The following GABPB2 variants were observed in gnomAD, a reference collection of about 807,000 sequenced individuals.
GABPB2 encodes the protein GA binding protein transcription factor subunit beta 2, also known as GA-binding protein subunit beta-2.
A neutral mutation model predicts 39.1 loss-of-function variants in GABPB2; 23 were observed. That is an observed-to-expected ratio of 0.59 (90% CI 0.42 to 0.83). The LOEUF (loss-of-function observed/expected upper bound fraction) is 0.83. Among genes scored for constraint, GABPB2 ranks in the 40% least tolerant of loss-of-function variants. GABPB2 has a pLI of 0.00. For missense variants in GABPB2, 467 were observed against 541.1 expected, an observed-to-expected ratio of 0.86 and a Z score of 1.36; for synonymous variants, 184 against 199.3, an observed-to-expected ratio of 0.92 and a Z score of 0.65.
At position 151,118,536 on chromosome 1, in the gene GABPB2, G is replaced by A. The variant is rs1426404483; in HGVS notation, c.*280G>A. On this transcript the variant is annotated 3_prime_UTR_variant, in exon 9 of 9. Coordinates refer to ENST00000368918, the MANE Select transcript of GABPB2 (RefSeq NM_144618.3). The stretch of plus-strand genomic sequence containing the variant: ...AGTAAAAGAATACTGCATGTTGTGG[G>A]TTGATTTTTTTTTTTTAAATAACTG... The A allele has an allele frequency of 9.9e-6, 3 of 303,992 alleles. No individual in the cohort carries two copies. Among genetic ancestry groups the A allele is most frequent in the African/African-American group, 6.5e-5 (3 of 45,978 alleles). The allele number at this position is 303,992 out of a possible 1,614,324, so 18.8% of individuals were successfully genotyped here. A position where few individuals can be genotyped will look rare whatever the true frequency, so the allele number is the denominator to read the frequency against.
chr1:151,102,386 G>GT (rs1679595541), intron 5 of GABPB2, among the ~76,000 whole-genome samples: 1 of 152,056 alleles, frequency 6.6e-6, no homozygotes, highest in Non-Finnish European at 1.5e-5. Context: ...AACATTTAGC[G>GT]TTTTTAGTGT....
chr1:151,105,899 A>C (rs994176723), intron 6 of GABPB2, among the ~76,000 whole-genome samples: 14 of 152,142 alleles, frequency 9.2e-5, no homozygotes, highest in Admixed American at 3.3e-4. Context: ...TTATTCTGTG[A>C]ATTCACTATT....
intron 1 of GABPB2, among the ~76,000 whole-genome samples, chr1:151,074,427 C>G (rs958116295): frequency 6.6e-6 from 1 of 151,112 alleles, no homozygotes; most frequent in Admixed American, 6.6e-5. Flanking sequence ...TATCCTGCCT[C>G]AGCCTCTCGA....
At chr1:151,094,736 GT>G (rs1678981008) in intron 4 of GABPB2, among the ~76,000 whole-genome samples, 1 of 150,264 alleles carries the variant, frequency 6.7e-6, no homozygotes, top group African/African-American at 2.4e-5. Context: ...GCCAGGCGTG[GT>G]GGCTCATGCC....
chr1:151,118,590 A>C lies in GABPB2; in HGVS notation c.*334A>C, dbSNP rs1681057825. ...TTCTCACAAAAGATTTTAAGATAAC[A>C]TTTCTAATATATATGCACCAATATA... On this transcript the variant is annotated 3_prime_UTR_variant, in exon 9 of 9. Transcript: ENST00000368918. The C allele has an allele frequency of 4.8e-6, 1 of 209,236 alleles. No individual in the cohort carries two copies. The highest frequency in any genetic ancestry group is 1.1e-4 in the South Asian group (1 of 8,718). 13.0% of individuals were successfully genotyped at this position (209,236 alleles called of 1,614,324 possible).
At chr1:151,088,319 C>G in intron 2 of GABPB2, 22 bp downstream of exon 2, 1 of 1,575,656 alleles carries the variant, frequency 6.3e-7, no homozygotes, top group South Asian at 1.1e-5. Flanking sequence ...GGAGAGGTCT[C>G]TTAATTATTT....
At chr1:151,103,726 TA>T (rs1422794897) in intron 6 of GABPB2, 51 bp downstream of exon 6, 9 of 1,200,510 alleles carry the variant, frequency 7.5e-6, no homozygotes, top group Non-Finnish European at 9.9e-6. Context: ...CTTTTGTTTT[TA>T]AGTCTCCAGC....
chr1:151,091,017 C>CA (rs1199424181), intron 3 of GABPB2, among the ~76,000 whole-genome samples: 2 of 143,632 alleles, frequency 1.4e-5, no homozygotes, highest in Non-Finnish European at 3.0e-5. Context: ...CAAAACAAAA[C>CA]AAAAAAACAA....
intron 8 of GABPB2, 143 bp from the exon 9 acceptor site, chr1:151,117,814 C>T (rs1343271630): frequency 2.4e-6 from 2 of 842,854 alleles, no homozygotes; most frequent in African/African-American, 3.4e-5. Flanking sequence ...GAACTCTTGA[C>T]CTCAGATAAT....
At chr1:151,111,837 A>C (rs1444179801) in intron 7 of GABPB2, 1 of 150,176 alleles carries the variant, frequency 6.7e-6, no homozygotes, top group Non-Finnish European at 1.5e-5. Flanking sequence ...CCCGGCCTTT[A>C]ATTTTCATAT....
intron 7 of GABPB2, among the ~76,000 whole-genome samples, chr1:151,116,647 AC>A (rs1335045468): frequency 2.3e-4 from 35 of 152,168 alleles, no homozygotes; most frequent in African/African-American, 8.4e-4. Flanking sequence ...TCATTCTGTC[AC>A]CCAGGCTGGA....
At chr1:151,079,912 TAAC>T (rs914323176) in intron 1 of GABPB2, among the ~76,000 whole-genome samples, 15 of 140,540 alleles carry the variant, frequency 1.1e-4, no homozygotes, top group African/African-American at 2.9e-4. Context: ...CACAAAATAA[TAAC>T]AATAATAATA....
At chr1:151,085,195 C>T (rs587722305) in intron 1 of GABPB2, among the ~76,000 whole-genome samples, 30 of 150,816 alleles carry the variant, frequency 2.0e-4, no homozygotes, top group Non-Finnish European at 3.1e-4. Flanking sequence ...GTCAGGAGTT[C>T]GAGACCAGCC....
intron 1 of GABPB2, among the ~76,000 whole-genome samples, chr1:151,071,892 A>G (rs921911506): frequency 1.3e-5 from 2 of 152,222 alleles, no homozygotes; most frequent in Admixed American, 1.3e-4. Flanking sequence ...TCCTGTTTTC[A>G]CATACTTCCT....
chr1:151,096,303 A>G (rs368962056), intron 4 of GABPB2, among the ~76,000 whole-genome samples: 19 of 151,842 alleles, frequency 1.3e-4, no homozygotes, highest in African/African-American at 4.6e-4. Flanking sequence ...GCGTGCGCCT[A>G]TAGTCCCAGC....
At chr1:151,114,590 C>T (rs1039807129) in intron 7 of GABPB2, among the ~76,000 whole-genome samples, 1 of 151,946 alleles carries the variant, frequency 6.6e-6, no homozygotes, top group Non-Finnish European at 1.5e-5. Context: ...CCCAGATACT[C>T]GGGAGGCTGA....
At chr1:151,103,454 T>C in intron 5 of GABPB2, 108 bp from the exon 6 acceptor site, 1 of 682,330 alleles carries the variant, frequency 1.5e-6, no homozygotes, top group Non-Finnish European at 2.6e-6. Flanking sequence ...GAGAACAAGA[T>C]TGAGGACATT....
At chr1:151,084,942 A>T (rs1003332789) in intron 1 of GABPB2, among the ~76,000 whole-genome samples, 6 of 149,936 alleles carry the variant, frequency 4.0e-5, no homozygotes, top group East Asian at 2.0e-4. Flanking sequence ...CAAAAAATTT[A>T]AAAAAAAATT....
chr1:151,088,514 T>G (rs1678396613), intron 2 of GABPB2: 6 of 1,177,486 alleles, frequency 5.1e-6, no homozygotes, highest in Non-Finnish European at 7.0e-6. Context: ...GTGATAATTG[T>G]AAGGTATTAT....
Sources: allele counts gnomAD v4.1 joint callset (sites outside exome capture counted in the v4.1 genomes callset), GRCh38; gene constraint gnomAD v4.1.1; transcripts MANE v1.5; gene names NCBI Gene and HGNC (gene_info 2026-07-23, HGNC 2026-07-21).